The following KIF21B variants were observed in gnomAD, a reference collection of about 807,000 sequenced individuals.
KIF21B encodes the protein kinesin family member 21B.
KIF21B carries 85 observed loss-of-function variants against 192.9 expected under a neutral mutation model. The ratio of observed to expected loss-of-function variants is 0.44; its 90% CI spans 0.37 to 0.53. The LOEUF is 0.53. KIF21B is among the 20% of genes least tolerant of loss of function. The pLI is 0.00. For synonymous variants in KIF21B, 832 were observed against 884.6 expected, an observed-to-expected ratio of 0.94 and a Z score of 1.05; for missense variants, 1,716 against 2,194.8, an observed-to-expected ratio of 0.78 and a Z score of 4.36.
chr1:201,005,822 G>T, intron 3 of KIF21B, 128 bp from the exon 4 acceptor site: 1 of 978,324 alleles, frequency 1.0e-6, no homozygotes, highest in Non-Finnish European at 1.5e-6. Flanking sequence ...TCTGGGTTTT[G>T]AATCCCATGA....
intron 1 of KIF21B, among the ~76,000 whole-genome samples, chr1:201,015,992 A>G (rs1051768870): frequency 1.4e-4 from 21 of 152,200 alleles, no homozygotes; most frequent in Non-Finnish European, 4.4e-5. Flanking sequence ...ACTACCTAGT[A>G]CTTTTTAAGA....
At chr1:200,978,988 C>A (rs1001001122) in intron 30 of KIF21B, among the ~76,000 whole-genome samples, 3 of 152,216 alleles carry the variant, frequency 2.0e-5, no homozygotes, top group African/African-American at 7.2e-5. Context: ...CTGTGCCCAG[C>A]CTGTTTACTT....
chr1:201,018,880 A>G (rs1658660775), intron 1 of KIF21B, among the ~76,000 whole-genome samples: 1 of 152,220 alleles, frequency 6.6e-6, no homozygotes, highest in Non-Finnish European at 1.5e-5. Flanking sequence ...TAAATAGTTC[A>G]CTAAAGCTTA....
intron 15 of KIF21B, 132 bp from the exon 16 acceptor site, chr1:200,992,521 G>T (rs1200385841): frequency 4.4e-6 from 4 of 915,364 alleles, no homozygotes; most frequent in Non-Finnish European, 5.1e-6. Flanking sequence ...CTCAGGGCCT[G>T]GGGGTCTGAA....
At chr1:200,985,870 G>C (rs1218215277) in intron 26 of KIF21B, among the ~76,000 whole-genome samples, 1 of 138,292 alleles carries the variant, frequency 7.2e-6, no homozygotes, top group Non-Finnish European at 1.5e-5. Flanking sequence ...CTGAGACAGT[G>C]AGTCTCACAC....
chr1:201,003,254 C>A, intron 8 of KIF21B: 1 of 394,922 alleles, frequency 2.5e-6, no homozygotes, highest in East Asian at 5.9e-5. Context: ...TGTTCCAACA[C>A]AACACATTCA....
In KIF21B at chr1:200,996,396, C is replaced by T. The variant is rs1402761940; in HGVS notation, c.2078-1G>A. ...TCCTCAGTATAGCACTCCATGGTGC[C>T]TGAGAGCAAGGAGACGCAGCTGTCG... On this transcript the variant is annotated splice_acceptor_variant, in intron 14 of 34. Transcript: ENST00000461742. LOFTEE classifies it high-confidence loss of function. 2 of 1,613,700 alleles carry T rather than the reference C, an allele frequency of 1.2e-6. No homozygotes were observed. The highest frequency in any genetic ancestry group is 8.5e-7 in the Non-Finnish European group (1 of 1,179,826).
intron 24 of KIF21B, 145 bp from the exon 25 acceptor site, chr1:200,987,346 C>T (rs915108796): frequency 2.9e-6 from 2 of 684,866 alleles, no homozygotes; most frequent in Non-Finnish European, 4.8e-6. Flanking sequence ...CTCATGCGAT[C>T]CCCTCACCTC....
Position 201,023,283 on chromosome 1 carries a change from C to A in KIF21B, c.41+60G>T. The A allele has an allele frequency of 1.4e-6, 2 of 1,444,446 alleles. No individual in the cohort carries two copies. The highest frequency in any genetic ancestry group is 1.9e-6 in the Non-Finnish European group (2 of 1,075,628). The allele number at this position is 1,444,446 out of a possible 1,614,324, so 89.5% of individuals were successfully genotyped here. A position where few individuals can be genotyped will look rare whatever the true frequency, so the allele number is the denominator to read the frequency against. ...GGTGCTCGCGCCCCCCGCCCAAAGC[C>A]CACGCGAGACAAAGCCCGAGGCTTC... On this transcript the variant is annotated intron_variant, in intron 1 of 34. Coordinates refer to ENST00000461742, the MANE Select transcript of KIF21B (RefSeq NM_001252102.2). The surrounding 1 kb of genome is among the most constrained non-coding windows in gnomAD (Gnocchi z 5.9).
At chr1:200,979,866 C>CAT in intron 29 of KIF21B, 151 bp from the exon 30 acceptor site, 1 of 562,154 alleles carries the variant, frequency 1.8e-6, no homozygotes, top group Admixed American at 3.4e-5. Context: ...GAAAAAAACA[C>CAT]ATACACATGT....
chr1:201,007,721 G>C (rs1263756459), intron 3 of KIF21B, among the ~76,000 whole-genome samples: 2 of 145,110 alleles, frequency 1.4e-5, no homozygotes, highest in Non-Finnish European at 3.0e-5. Context: ...CAGACACATA[G>C]ACACACATAC....
chr1:201,020,805 C>T (rs900914781), intron 1 of KIF21B, among the ~76,000 whole-genome samples: 1 of 92,016 alleles, frequency 1.1e-5, no homozygotes, highest in South Asian at 2.8e-4. Flanking sequence ...GACCTCTCTC[C>T]TCTACACACA....
Position 200,990,709 on chromosome 1 carries a change from T to C in KIF21B, c.2702A>G (p.Lys901Arg). Residue 901 changes from lysine (K) to arginine (R), a missense_variant, in exon 19 of 35, where the codon AAG becomes AGG. Around this residue, in one of 3 missense-constraint regions of KIF21B, gnomAD observed 1,087 missense variants for 1,316.6 expected, o/e 0.83. Transcript: ENST00000461742. This position sits in a 1 kb window ranked among gnomAD's most constrained non-coding sequence, Gnocchi z 5.4. ...ACTGAAGCTCTGGCTGGCCCCCTTC[T>C]TCTGGAACTTCTTTCTGGGAGACAT... ...GTRPARKKFQKKGASQSFSKA... is the reference protein window; with the variant it reads ...GTRPARKKFQRKGASQSFSKA... 6.2e-7 allele frequency: 1 copy of C among 1,614,164 alleles called. No homozygotes were observed. Among genetic ancestry groups the C allele is most frequent in the South Asian group, 1.1e-5 (1 of 91,088 alleles).
intron 24 of KIF21B, 144 bp downstream of exon 24, chr1:200,988,152 A>C: frequency 1.2e-6 from 1 of 817,148 alleles, no homozygotes; most frequent in Non-Finnish European, 2.1e-6. Flanking sequence ...CCAATTCCAG[A>C]CTAAATTTTC....
At chr1:201,013,556 C>T (rs778388238) in intron 1 of KIF21B, among the ~76,000 whole-genome samples, 14 of 152,156 alleles carry the variant, frequency 9.2e-5, no homozygotes, top group Non-Finnish European at 1.5e-4. Flanking sequence ...CAGGGTCTCA[C>T]TATGTTGCCC....
Position 200,980,989 on chromosome 1 carries a change from G to A in KIF21B, c.3950C>T (p.Thr1317Ile), listed in dbSNP as rs1368569214. 2 of 1,611,438 alleles carry A rather than the reference G, an allele frequency of 1.2e-6. No individual in the cohort carries two copies. Among genetic ancestry groups the A allele is most frequent in the South Asian group, 1.1e-5 (1 of 90,504 alleles). Residue 1317 changes from threonine (T) to isoleucine (I), a missense_variant, in exon 29 of 35, where the codon ACA (threonine) becomes ATA (isoleucine). Physicochemically the swap from Thr to Ile is moderately conservative, Grantham distance 89. Around this residue, in one of 3 missense-constraint regions of KIF21B, gnomAD observed 580 missense variants for 775.5 expected, o/e 0.75. Transcript: ENST00000461742. ...HTKPILCLDA[T>I]DELLFTGSKD... is the part of the protein sequence containing the mutation. ...GGACCCTGTGAATAGCAACTCATCT[G>A]TGGCATCCAGGCAGAGGATGGGCTT... is the stretch of plus-strand genomic sequence containing the variant.
rs1234024554 is a variant in KIF21B at position 200,988,507 on chromosome 1, C to T, written c.3336G>A (p.Glu1112=). The part of the protein sequence containing the change: ...GYASTDEEIS[E]FSEGSFSQSF... ...TGCAAACTCACCTGCCCTCAGAGAA[C>T]TCTGAGATCTCCTCATCTGTGCTGG... The change falls in exon 23 of 35, where the codon GAG becomes GAA. Residue 1112 remains glutamate, a synonymous_variant. Transcript: ENST00000461742. 6.7e-7 allele frequency: 1 copy of T among 1,496,476 alleles called. No homozygotes were observed. The highest frequency in any genetic ancestry group is 1.1e-5 in the South Asian group (1 of 88,406). 92.7% of individuals were successfully genotyped at this position (1,496,476 alleles called of 1,614,324 possible). A position where few individuals can be genotyped will look rare whatever the true frequency, so the allele number is the denominator to read the frequency against.
chr1:201,009,436 A>T lies in KIF21B; in HGVS notation c.94T>A (p.Ser32Thr). The change falls in exon 2 of 35, where the codon TCT becomes ACT. Residue 32 changes from serine (S) to threonine (T), a missense_variant. Transcript: ENST00000461742. ...ACCTGGGGCTCTCCCGGGGTAACAG[A>T]GGTACAGATGTGACAGCCCTCAATC... ...EKIEGCHICTSVTPGEPQVLL... is the reference protein window; with the variant it reads ...EKIEGCHICTTVTPGEPQVLL... 1 of 1,614,190 alleles carries T rather than the reference A, an allele frequency of 6.2e-7. No individual in the cohort carries two copies. Among genetic ancestry groups the T allele is most frequent in the Non-Finnish European group, 8.5e-7 (1 of 1,180,024 alleles).
Position 200,975,420 on chromosome 1 carries a change from C to T in KIF21B, c.4614+79G>A, listed in dbSNP as rs1050060627. ...GGCCTGGGGCCCGCGAGTCCAGGTC[C>T]CAGGGTCTCCAAGGCCCTGCGTGGG... On this transcript the variant is annotated intron_variant, in intron 33 of 34. Transcript: ENST00000461742. The surrounding 1 kb of genome is among the most constrained non-coding windows in gnomAD (Gnocchi z 4.3). 7.3e-7 allele frequency: 1 copy of T among 1,373,826 alleles called. No individual in the cohort carries two copies. Among genetic ancestry groups the T allele is most frequent in the African/African-American group, 1.4e-5 (1 of 69,280 alleles). The allele number at this position is 1,373,826 out of a possible 1,614,324, so 85.1% of individuals were successfully genotyped here. A position where few individuals can be genotyped will look rare whatever the true frequency, so the allele number is the denominator to read the frequency against.
Sources: allele counts gnomAD v4.1 joint callset (sites outside exome capture counted in the v4.1 genomes callset), GRCh38; gene constraint gnomAD v4.1.1; regional missense constraint gnomAD v4.1.1; non-coding constraint Gnocchi (gnomAD v3.1); transcripts MANE v1.5; gene names NCBI Gene and HGNC (gene_info 2026-07-23, HGNC 2026-07-21).